HKDC1: variants seen among roughly 807,000 people sequenced by gnomAD.
HKDC1 encodes hexokinase HKDC1.
A neutral mutation model predicts 96.6 loss-of-function variants in HKDC1; 66 were observed. That is an observed-to-expected ratio of 0.68 (90% CI 0.56 to 0.84). The LOEUF is 0.84. HKDC1 is among the 40% of genes least tolerant of loss of function. The pLI is 0.00. For synonymous variants in HKDC1, 466 were observed against 473.1 expected (o/e 0.98, Z 0.20); for missense variants, 1,211 against 1,208.1 (o/e 1.00, Z -0.04).
chr10:69,229,936 GTCC>G (rs1843225150), intron 2 of HKDC1, among the ~76,000 whole-genome samples: 1 of 152,174 alleles, frequency 6.6e-6, no homozygotes, highest in African/African-American at 2.4e-5. Context: ...CTTGTCCCAA[GTCC>G]TCCTAGCTCT....
chr10:69,225,242 G>C (rs1360799269), intron 1 of HKDC1, among the ~76,000 whole-genome samples: 1 of 152,160 alleles, frequency 6.6e-6, no homozygotes, highest in East Asian at 1.9e-4. Context: ...AAGCAAAAAT[G>C]ATCAGTAGGT....
At chr10:69,265,464 C>T in intron 16 of HKDC1, 121 bp from the exon 17 acceptor site, 1 of 827,718 alleles carries the variant, frequency 1.2e-6, no homozygotes. Flanking sequence ...CTAGCCATTG[C>T]CTGGGTCAAT....
At chr10:69,220,647 A>G (rs374922829) in intron 1 of HKDC1, 149 bp downstream of exon 1, 13 of 542,968 alleles carry the variant, frequency 2.4e-5, no homozygotes, top group African/African-American at 2.0e-4. Context: ...CACTGAGGGA[A>G]GAGGGAGTAA....
At chr10:69,259,737 G>C (rs901449847) in intron 15 of HKDC1, among the ~76,000 whole-genome samples, 3 of 152,152 alleles carry the variant, frequency 2.0e-5, no homozygotes, top group African/African-American at 7.2e-5. Context: ...GTCTTACATG[G>C]CTGGAGAAGG....
At chr10:69,224,712 C>G (rs576327147) in intron 1 of HKDC1, among the ~76,000 whole-genome samples, 1 of 152,218 alleles carries the variant, frequency 6.6e-6, no homozygotes, top group Non-Finnish European at 1.5e-5. Flanking sequence ...TTGGACTAGA[C>G]GAGCTCTAAG....
chr10:69,257,491 A>G (rs1311535311), intron 14 of HKDC1, 65 bp downstream of exon 14: 2 of 1,232,728 alleles, frequency 1.6e-6, no homozygotes, highest in East Asian at 2.3e-5. Flanking sequence ...TCCTTTTAAC[A>G]TAGTGAGAGG....
intron 12 of HKDC1, among the ~76,000 whole-genome samples, chr10:69,254,055 A>G (rs1230948867): frequency 6.6e-6 from 1 of 152,258 alleles, no homozygotes; most frequent in Non-Finnish European, 1.5e-5. Flanking sequence ...CTGTCATCCC[A>G]GAACTTTGGG....
intron 16 of HKDC1, among the ~76,000 whole-genome samples, chr10:69,265,021 A>G (rs1843871769): frequency 1.3e-5 from 2 of 152,208 alleles, no homozygotes; most frequent in Non-Finnish European, 2.9e-5. Flanking sequence ...TGCTCATTGA[A>G]TATACCCTGC....
chr10:69,230,737 C>T (rs141755659), intron 2 of HKDC1, among the ~76,000 whole-genome samples: 33 of 152,326 alleles, frequency 2.2e-4, no homozygotes, highest in African/African-American at 7.9e-4. Flanking sequence ...CTTCAGCCTC[C>T]CAAGTAGCTG....
chr10:69,237,419 C>G (rs1434448241), intron 4 of HKDC1, among the ~76,000 whole-genome samples: 2 of 151,856 alleles, frequency 1.3e-5, no homozygotes, highest in Non-Finnish European at 2.9e-5. Flanking sequence ...AATCACCACT[C>G]ATCTCAATAT....
intron 6 of HKDC1, among the ~76,000 whole-genome samples, chr10:69,241,471 T>G (rs867290496): frequency 6.6e-6 from 1 of 152,194 alleles, no homozygotes. Flanking sequence ...GATGGATAAA[T>G]GGATGCGCAT....
intron 2 of HKDC1, 103 bp downstream of exon 2, chr10:69,227,472 C>T: frequency 1.6e-6 from 2 of 1,240,350 alleles, no homozygotes; most frequent in Non-Finnish European, 1.1e-6. Context: ...CTCTCTAGCC[C>T]TCTCTCTGCT....
chr10:69,263,685 G>T (rs1843845811), intron 16 of HKDC1, among the ~76,000 whole-genome samples: 1 of 152,160 alleles, frequency 6.6e-6, no homozygotes, highest in African/African-American at 2.4e-5. Flanking sequence ...TTGCCCTGTT[G>T]CTTAACCCCC....
At chr10:69,263,772 G>A (rs1249014293) in intron 16 of HKDC1, among the ~76,000 whole-genome samples, 1 of 152,200 alleles carries the variant, frequency 6.6e-6, no homozygotes. Context: ...GGAAGGAATT[G>A]CAGGCTTTCT....
chr10:69,248,606 A>G lies in HKDC1; in HGVS notation c.1448A>G (p.Gln483Arg). Residue 483 changes from glutamine (Q) to arginine (R), a missense_variant, in exon 10 of 18, where the codon CAG (glutamine) becomes CGG (arginine). Transcript: ENST00000354624. ...VLALFQLTRE[Q>R]LVDVQAKMRA... is the part of the protein sequence containing the mutation. ...GCTTTGTTCCAGCTGACCCGAGAGC[A>G]GCTCGTGGACGTGCAGGCCAAGATG... 1 of 1,614,144 alleles carries G rather than the reference A, an allele frequency of 6.2e-7. No homozygotes were observed. The highest frequency in any genetic ancestry group is 1.7e-5 in the Admixed American group (1 of 60,020).
At chr10:69,228,577 T>C (rs1843198759) in intron 2 of HKDC1, among the ~76,000 whole-genome samples, 1 of 152,128 alleles carries the variant, frequency 6.6e-6, no homozygotes, top group South Asian at 2.1e-4. Context: ...GGAAAAGGGC[T>C]GCTACTGGCC....
intron 8 of HKDC1, 69 bp downstream of exon 8, chr10:69,246,303 T>C: frequency 6.4e-7 from 1 of 1,552,786 alleles, no homozygotes; most frequent in South Asian, 1.1e-5. Flanking sequence ...GGGTGCTCCA[T>C]GTGGTAGGAC....
intron 16 of HKDC1, 37 bp downstream of exon 16, chr10:69,261,331 G>A (rs766289497): frequency 6.3e-7 from 1 of 1,596,548 alleles, no homozygotes; most frequent in Non-Finnish European, 8.6e-7. Flanking sequence ...GGCTCTGACT[G>A]GCATATGCTG....
intron 2 of HKDC1, chr10:69,232,515 T>C (rs941034864): frequency 3.8e-6 from 2 of 524,136 alleles, no homozygotes; most frequent in Non-Finnish European, 3.4e-6. Flanking sequence ...ACATGCACAT[T>C]CCTACAGCAT....
Sources: allele counts gnomAD v4.1 joint callset (sites outside exome capture counted in the v4.1 genomes callset), GRCh38; gene constraint gnomAD v4.1.1; transcripts MANE v1.5; gene names NCBI Gene and HGNC (gene_info 2026-07-23, HGNC 2026-07-21).